ZP2: variants seen among roughly 807,000 people sequenced by gnomAD.
The protein encoded by ZP2 is zona pellucida glycoprotein 2, also known as zona pellucida sperm-binding protein 2.
ZP2 carries 51 observed loss-of-function variants against 84.0 expected under a neutral mutation model. The ratio of observed to expected loss-of-function variants is 0.61; its 90% CI spans 0.49 to 0.77. The LOEUF is 0.77. Among genes scored for constraint, ZP2 ranks in the 30% least tolerant of loss-of-function variants. The pLI, the probability that ZP2 is intolerant of heterozygous loss-of-function variation, is 0.00. For missense variants in ZP2, 909 were observed against 911.9 expected (o/e 1.00, Z 0.04); for synonymous variants, 375 against 330.9 (o/e 1.13, Z -1.45).
rs757369785 is a variant in ZP2, at chr16:21,206,903, C to G, written c.418G>C (p.Ala140Pro). Residue 140 changes from alanine (A) to proline (P), a missense_variant, in exon 5 of 19, where the codon GCT becomes CCT. Physicochemically the swap from Ala to Pro is conservative, Grantham distance 27 (BLOSUM62 -1). Transcript: ENST00000574091. The part of the protein sequence containing the change: ...GAVMYQFFCP[A>P]MQVEETQGLS... ...CCCTGGGTCTCTTCTACTTGCATAG[C>G]TGGACAGAAGAACTGATACATGACA... The G allele has an allele frequency of 6.2e-6, 10 of 1,614,132 alleles. No homozygotes were observed. The South Asian group carries it at 1.1e-4, about 18-fold the overall frequency.
chr16:21,209,969 A>T (rs2093266994), intron 3 of ZP2, 140 bp downstream of exon 3: 2 of 793,624 alleles, frequency 2.5e-6, no homozygotes, highest in South Asian at 3.3e-5. Flanking sequence ...GCTTCATGCA[A>T]ATCAGGTATC....
At chr16:21,204,518 T>A in intron 7 of ZP2, 114 bp from the exon 8 acceptor site, 1 of 796,412 alleles carries the variant, frequency 1.3e-6, no homozygotes, top group Non-Finnish European at 2.0e-6. Context: ...TTGACACAAG[T>A]AGGATTTAAG....
chr16:21,204,117 A>G lies in ZP2; in HGVS notation c.885T>C (p.Asp295=). Residue 295 remains aspartate, a synonymous_variant, in exon 9 of 19, where the codon GAT becomes GAC. Coordinates refer to ENST00000574091, the MANE Select transcript of ZP2 (RefSeq NM_001376232.1). The part of the protein sequence containing the change: ...KSVSFENQNI[D]VSQLHDNGID... ...TTCCATTGTCATGCAGCTGGCTCAC[A>G]TCAATGTTCTGGTTTTCAAAGCTCA... 6.2e-7 allele frequency: 1 copy of G among 1,614,196 alleles called. No individual in the cohort carries two copies. The highest frequency in any genetic ancestry group is 2.2e-5 in the East Asian group (1 of 44,888).
intron 16 of ZP2, among the ~76,000 whole-genome samples, chr16:21,199,134 A>G (rs1209359378): frequency 6.6e-6 from 1 of 151,982 alleles, no homozygotes; most frequent in Non-Finnish European, 1.5e-5. Context: ...TGGCCTGGCC[A>G]ACATGGTGAA....
chr16:21,206,033 C>T (rs1256831301), intron 5 of ZP2: 7 of 509,108 alleles, frequency 1.4e-5, no homozygotes, highest in Non-Finnish European at 2.1e-5. Flanking sequence ...GAGTTTCGCT[C>T]ATCGCCCAGG....
intron 15 of ZP2, 30 bp from the exon 16 acceptor site, chr16:21,199,696 G>A (rs752248862): frequency 3.7e-6 from 6 of 1,613,046 alleles, no homozygotes; most frequent in South Asian, 2.2e-5. Flanking sequence ...ACATGGAATC[G>A]ATGCACTAAC....
chr16:21,199,094 T>C (rs973190313), intron 16 of ZP2, among the ~76,000 whole-genome samples: 4 of 151,956 alleles, frequency 2.6e-5, no homozygotes, highest in Admixed American at 6.6e-5. Flanking sequence ...GGTAGGTGGA[T>C]CACCTGAGGT....
intron 4 of ZP2, among the ~76,000 whole-genome samples, chr16:21,207,646 ACACACACACAC>A (rs2093256163): frequency 2.3e-4 from 2 of 8,558 alleles, no homozygotes; most frequent in Admixed American, 1.7e-3. Context: ...ACACACACAC[ACACACACACAC>A]ACACACACAC....
chr16:21,201,619 G>GC, intron 13 of ZP2, 61 bp from the exon 14 acceptor site: 1 of 1,606,958 alleles, frequency 6.2e-7, no homozygotes, highest in East Asian at 2.2e-5. Context: ...GGTCATCACT[G>GC]CTCCATTAGT....
Position 21,204,173 on chromosome 16 carries a change from TGGTGAGAGTCATGTGTGTGGCATTGCA to T in ZP2, c.802_828del (p.Cys268_Thr276del). The T allele has an allele frequency of 6.2e-7, 1 of 1,614,208 alleles. No individual in the cohort carries two copies. Among genetic ancestry groups the T allele is most frequent in the South Asian group, 1.1e-5 (1 of 91,090 alleles). On this transcript the variant is annotated inframe_deletion, in exon 9 of 19. Coordinates refer to ENST00000574091, the MANE Select transcript of ZP2 (RefSeq NM_001376232.1). ...TTAAGCTTCCCAGGAAACTCTGGTATGGTGAGAGTCATGTGTGTGGCATTGCAGGTCACAGGATCTAGAAGGAATGAC... is the reference window on the plus strand; with the variant it reads ...TTAAGCTTCCCAGGAAACTCTGGTATGGTCACAGGATCTAGAAGGAATGAC...
chr16:21,210,569 C>T (rs777030388), intron 2 of ZP2, among the ~76,000 whole-genome samples: 1 of 151,848 alleles, frequency 6.6e-6, no homozygotes, highest in Non-Finnish European at 1.5e-5. Flanking sequence ...AGTCCCAGGA[C>T]TTTTATTTAT....
At chr16:21,198,051 A>G (rs1046109560) in intron 17 of ZP2, 5 of 535,300 alleles carry the variant, frequency 9.3e-6, no homozygotes, top group Non-Finnish European at 1.7e-5. Flanking sequence ...TGCTAGAAAC[A>G]TATCTTAAAT....
chr16:21,210,332 A>G (rs536873319), intron 2 of ZP2, 140 bp from the exon 3 acceptor site: 1 of 665,464 alleles, frequency 1.5e-6, no homozygotes, highest in African/African-American at 1.8e-5. Context: ...GAGCTCACAA[A>G]CAAGTGACCA....
chr16:21,211,403 G>T lies in ZP2; in HGVS notation c.63-8C>A. 4 of 1,614,178 alleles carry T rather than the reference G, an allele frequency of 2.5e-6. No individual in the cohort carries two copies. The highest frequency in any genetic ancestry group is 3.4e-6 in the Non-Finnish European group (4 of 1,180,018). On this transcript the variant is annotated splice_polypyrimidine_tract_variant and splice_region_variant and intron_variant, in intron 1 of 18. Transcript: ENST00000574091. ...GAAATCGACCTGTAGGTGCTGGAAA[G>T]AGACAGGGAGATAGTCAAGGAAGAA...
At position 21,201,544 on chromosome 16, in the gene ZP2, G is replaced by C; in HGVS notation, c.1519C>G (p.Gln507Glu). The C allele has an allele frequency of 6.2e-7, 1 of 1,608,256 alleles. No individual in the cohort carries two copies. Residue 507 changes from glutamine (Q) to glutamate (E), a missense_variant, in exon 14 of 19, where the codon CAA becomes GAA. Gln to Glu is a conservative substitution (Grantham distance 29). Transcript: ENST00000574091. ...LQSYPDNSYQ[Q>E]PYGENEYPLV... ...GGGTACTCGTTTTCCCCATAAGGTT[G>C]TTGGTAGGAATTATCTGAAATTGAA...
chr16:21,211,630 C>T (rs1477712826), upstream of ZP2: 4 of 1,608,878 alleles, frequency 2.5e-6, no homozygotes, highest in African/African-American at 2.7e-5. Flanking sequence ...CATCCACACC[C>T]TCTCCCCATT....
chr16:21,205,370 G>T, intron 7 of ZP2, 50 bp downstream of exon 7: 1 of 1,587,706 alleles, frequency 6.3e-7, no homozygotes, highest in Non-Finnish European at 8.6e-7. Context: ...CTTCAATTTA[G>T]GAATACTGGC....
At chr16:21,201,615 C>T in intron 13 of ZP2, 57 bp from the exon 14 acceptor site, 1 of 1,606,574 alleles carries the variant, frequency 6.2e-7, no homozygotes, top group Non-Finnish European at 8.5e-7. Flanking sequence ...CATAGGTCAT[C>T]ACTGCTCCAT....
rs2093239492 is a variant in ZP2, at chr16:21,204,294, A to G, written c.790+14T>C. 6.2e-7 allele frequency: 1 copy of G among 1,614,070 alleles called. No homozygotes were observed. Among genetic ancestry groups the G allele is most frequent in the Non-Finnish European group, 8.5e-7 (1 of 1,179,932 alleles). ...TGTCTCCCACACTGAGGTTGCAGCT[A>G]TCTGGGACCTTACCTGGTGCACAAA... On this transcript the variant is annotated intron_variant, in intron 8 of 18. Transcript: ENST00000574091.
Sources: allele counts gnomAD v4.1 joint callset (sites outside exome capture counted in the v4.1 genomes callset), GRCh38; gene constraint gnomAD v4.1.1; transcripts MANE v1.5; gene names NCBI Gene and HGNC (gene_info 2026-07-23, HGNC 2026-07-21).